CFAP61: variants seen among roughly 807,000 people sequenced by gnomAD.
CFAP61 encodes cilia- and flagella-associated protein 61.
A neutral mutation model predicts 135.6 loss-of-function variants in CFAP61; 107 were observed. The ratio of observed to expected loss-of-function variants is 0.79; its 90% confidence interval spans 0.67 to 0.93. CFAP61 has a LOEUF of 0.93. Ranked by LOEUF, CFAP61 falls within the 40% of genes least tolerant of loss-of-function variation. CFAP61 has a pLI of 0.00. For synonymous variants in CFAP61, 575 were observed against 578.5 expected, an observed-to-expected ratio of 0.99 and a Z score of 0.09; for missense variants, 1,507 against 1,556.2, an observed-to-expected ratio of 0.97 and a Z score of 0.53.
chr20:20,310,820 A>C (rs2056780128), intron 25 of CFAP61, among the ~76,000 whole-genome samples: 1 of 152,188 alleles, frequency 6.6e-6, no homozygotes, highest in Admixed American at 6.5e-5. Flanking sequence ...GCTGACACCA[A>C]ATACTGCCAC....
chr20:20,105,814 T>C (rs1172914315), intron 8 of CFAP61, among the ~76,000 whole-genome samples: 8 of 149,866 alleles, frequency 5.3e-5, no homozygotes, highest in African/African-American at 2.0e-4. Context: ...TTGAGTTTTT[T>C]TTTTTTAGTA....
intron 22 of CFAP61, among the ~76,000 whole-genome samples, chr20:20,284,952 C>T (rs1331695320): frequency 6.6e-6 from 1 of 152,218 alleles, no homozygotes; most frequent in African/African-American, 2.4e-5. Context: ...AAATGAGCTT[C>T]AGAGCATTTA....
intron 17 of CFAP61, among the ~76,000 whole-genome samples, chr20:20,207,518 T>G (rs2056910388): frequency 6.6e-6 from 1 of 152,212 alleles, no homozygotes; most frequent in South Asian, 2.1e-4. Context: ...CGGGTGGAGC[T>G]GAGCTCCCAG....
chr20:20,215,256 C>T (rs906545518), intron 17 of CFAP61: 1 of 152,208 alleles, frequency 6.6e-6, no homozygotes, highest in Non-Finnish European at 1.5e-5. Flanking sequence ...TCTCTGCCTT[C>T]ATTGTTCCAT....
intron 25 of CFAP61, among the ~76,000 whole-genome samples, chr20:20,337,771 T>C (rs1034802507): frequency 9.9e-5 from 15 of 151,988 alleles, no homozygotes; most frequent in African/African-American, 3.4e-4. Flanking sequence ...TTGGGAAAGG[T>C]GTTTACAATC....
At chr20:20,162,738 A>G (rs557781411) in intron 10 of CFAP61, among the ~76,000 whole-genome samples, 2 of 152,352 alleles carry the variant, frequency 1.3e-5, no homozygotes, top group South Asian at 2.1e-4. Context: ...TTGGAAAATA[A>G]TAGTGACCAA....
At chr20:20,308,371 T>C (rs1238516409) in intron 25 of CFAP61, among the ~76,000 whole-genome samples, 1 of 151,518 alleles carries the variant, frequency 6.6e-6, no homozygotes, top group African/African-American at 2.4e-5. Flanking sequence ...TCTCTGTGCC[T>C]GTTTTGGTGG....
At chr20:20,147,080 C>T (rs573253190) in intron 9 of CFAP61, among the ~76,000 whole-genome samples, 1 of 152,328 alleles carries the variant, frequency 6.6e-6, no homozygotes, top group African/African-American at 2.4e-5. Flanking sequence ...GACATTATTT[C>T]ATTCCTTTCT....
chr20:20,329,846 G>A (rs1199739807), intron 25 of CFAP61, among the ~76,000 whole-genome samples: 2 of 152,246 alleles, frequency 1.3e-5, no homozygotes, highest in Admixed American at 6.5e-5. Context: ...TCCTCCCCGT[G>A]CCTCTGTACG....
At chr20:20,295,156 A>G (rs2055323039) in intron 24 of CFAP61, among the ~76,000 whole-genome samples, 1 of 152,080 alleles carries the variant, frequency 6.6e-6, no homozygotes, top group Non-Finnish European at 1.5e-5. Context: ...AGTGACTGTG[A>G]CCCTCGTCTT....
intron 7 of CFAP61, chr20:20,095,592 C>T (rs2047508740): frequency 6.6e-6 from 1 of 152,310 alleles, no homozygotes; most frequent in Admixed American, 6.5e-5. Context: ...CTTACCTTGA[C>T]ATCTGGTGTT....
intron 17 of CFAP61, among the ~76,000 whole-genome samples, chr20:20,215,801 A>G (rs1231247310): frequency 2.0e-5 from 3 of 152,020 alleles, no homozygotes; most frequent in Non-Finnish European, 2.9e-5. Context: ...ATTATTATAG[A>G]AGACCTATTT....
At chr20:20,122,213 G>A (rs889263820) in intron 8 of CFAP61, among the ~76,000 whole-genome samples, 2 of 151,898 alleles carry the variant, frequency 1.3e-5, no homozygotes, top group African/African-American at 4.8e-5. Flanking sequence ...GAGCGCAGTG[G>A]CACAATCTTG....
chr20:20,205,188 A>G (rs765183084), intron 17 of CFAP61, among the ~76,000 whole-genome samples: 5 of 152,366 alleles, frequency 3.3e-5, no homozygotes, highest in Non-Finnish European at 7.3e-5. Flanking sequence ...TAGAAAGGTT[A>G]CAAGGTAATA....
intron 25 of CFAP61, among the ~76,000 whole-genome samples, chr20:20,338,309 C>G (rs574671123): frequency 1.1e-4 from 16 of 152,342 alleles, no homozygotes; most frequent in African/African-American, 3.8e-4. Flanking sequence ...TCCCTGGCGG[C>G]AGCTGCCTGC....
chr20:20,186,558 G>GTTACAT (rs1176594779), intron 13 of CFAP61, among the ~76,000 whole-genome samples: 1 of 152,084 alleles, frequency 6.6e-6, no homozygotes, highest in Non-Finnish European at 1.5e-5. Flanking sequence ...GGTCTTGTTT[G>GTTACAT]TTACATTTAC....
intron 17 of CFAP61, among the ~76,000 whole-genome samples, chr20:20,218,932 A>G (rs1190229338): frequency 6.6e-5 from 10 of 152,220 alleles, no homozygotes; most frequent in Non-Finnish European, 1.0e-4. Flanking sequence ...CCTTGTTGCT[A>G]GTGTTAAAGA....
At chr20:20,295,654 A>G (rs1455632352) in intron 24 of CFAP61, among the ~76,000 whole-genome samples, 6 of 152,104 alleles carry the variant, frequency 3.9e-5, no homozygotes, top group Non-Finnish European at 5.9e-5. Context: ...CTGTGTATAT[A>G]TCTACATATA....
chr20:20,170,762 T>G (rs2054162896), intron 13 of CFAP61, among the ~76,000 whole-genome samples: 1 of 152,216 alleles, frequency 6.6e-6, no homozygotes, highest in Admixed American at 6.5e-5. Flanking sequence ...CAAATGAATT[T>G]AGTACATTAT....
Sources: gnomAD v4.1 joint callset for allele counts (sites outside exome capture counted in the v4.1 genomes callset) on GRCh38, gnomAD v4.1.1 for gene constraint, MANE v1.5 for transcripts, NCBI Gene and HGNC (gene_info 2026-07-23, HGNC 2026-07-21) for gene names.